Variants in RALY observed in about 807,000 individuals in gnomAD.
The protein encoded by RALY is RNA-binding protein Raly.
Under a neutral mutation model 30.7 loss-of-function variants are expected in RALY, and 15 were observed. That is an observed-to-expected ratio of 0.49 (90% CI 0.33 to 0.75). RALY has a LOEUF of 0.75. Among genes scored for constraint, RALY ranks in the 30% least tolerant of loss-of-function variants. RALY has a pLI of 0.02. For missense variants in RALY, 339 were observed against 414.3 expected, an observed-to-expected ratio of 0.82 and a Z score of 1.58; for synonymous variants, 177 against 170.8, an observed-to-expected ratio of 1.04 and a Z score of -0.28.
At chr20:34,017,414 C>T (rs554462265) in intron 1 of RALY, 1 of 152,284 alleles carries the variant, frequency 6.6e-6, no homozygotes, top group African/African-American at 2.4e-5. Context: ...TACCAGGGCC[C>T]TCTCTTACTT....
At chr20:33,995,149 A>G (rs2030551210) in intron 1 of RALY, among the ~76,000 whole-genome samples, 1 of 152,162 alleles carries the variant, frequency 6.6e-6, no homozygotes, top group South Asian at 2.1e-4. Flanking sequence ...TGTCCACTAT[A>G]CTGTGGATGA....
At position 34,072,097 on chromosome 20, in the gene RALY, G is replaced by A; in HGVS notation, c.23G>A (p.Ser8Asn). The change falls in exon 3 of 10, where the codon AGC becomes AAC. Residue 8 changes from serine to asparagine, a missense_variant. Physicochemically the swap from Ser to Asn is conservative, Grantham distance 46. Coordinates refer to ENST00000246194, the MANE Select transcript of RALY (RefSeq NM_016732.3). MSLKLQA[S>N]NVTNKNDPKS... Reference sequence around the variant, plus strand: ...ACCATGTCCTTGAAGCTTCAGGCAAGCAATGTAACCAACAAGAATGACCCC... The same window carrying A: ...ACCATGTCCTTGAAGCTTCAGGCAAACAATGTAACCAACAAGAATGACCCC... The A allele has an allele frequency of 6.2e-7, 1 of 1,614,208 alleles. No individual in the cohort carries two copies. Among genetic ancestry groups the A allele is most frequent in the Non-Finnish European group, 8.5e-7 (1 of 1,180,026 alleles).
intron 1 of RALY, 110 bp downstream of exon 1, chr20:33,994,241 A>G (rs1032808192): frequency 1.3e-5 from 2 of 152,088 alleles, no homozygotes; most frequent in African/African-American, 4.8e-5. Flanking sequence ...TTAGAAACTT[A>G]TTTCTGCCCT....
At chr20:34,006,569 A>G (rs377486617) in intron 1 of RALY, among the ~76,000 whole-genome samples, 4 of 152,320 alleles carry the variant, frequency 2.6e-5, no homozygotes, top group South Asian at 4.1e-4. Context: ...CATGCTGCAT[A>G]GAGATGTTTC....
intron 1 of RALY, chr20:34,016,498 C>T (rs372917838): frequency 2.6e-5 from 4 of 152,368 alleles, no homozygotes; most frequent in Admixed American, 6.5e-5. Context: ...TGTTCCAAAT[C>T]AGAATCTCTG....
At chr20:34,043,673 G>C (rs2032779154) in intron 2 of RALY, among the ~76,000 whole-genome samples, 1 of 152,158 alleles carries the variant, frequency 6.6e-6, no homozygotes, top group Non-Finnish European at 1.5e-5. Context: ...TCATACTAGT[G>C]GGTAGGAATA....
intron 1 of RALY, chr20:33,994,408 A>G (rs961561368): frequency 6.6e-6 from 1 of 152,170 alleles, no homozygotes; most frequent in Admixed American, 6.5e-5. Flanking sequence ...AGTCTGGGCC[A>G]GTAGTTGGCT....
chr20:34,045,637 T>G (rs961485965), intron 2 of RALY, among the ~76,000 whole-genome samples: 7 of 152,242 alleles, frequency 4.6e-5, no homozygotes, highest in Non-Finnish European at 1.0e-4. Context: ...CTCTGCCATC[T>G]TCTGTCTTTT....
At chr20:34,019,405 G>A (rs1601420954) in intron 1 of RALY, among the ~76,000 whole-genome samples, 1 of 152,228 alleles carries the variant, frequency 6.6e-6, no homozygotes, top group African/African-American at 2.4e-5. Context: ...GAGCAACCTA[G>A]TGAGATGCCT....
At chr20:34,076,176 T>TA (rs2033872041) in intron 6 of RALY, 136 bp downstream of exon 6, 1 of 1,107,948 alleles carries the variant, frequency 9.0e-7, no homozygotes, top group Non-Finnish European at 1.3e-6. Context: ...CAGCCAAGTA[T>TA]TTTCATGCAT....
At chr20:34,075,702 C>G (rs2033854882) in intron 5 of RALY, among the ~76,000 whole-genome samples, 172 bp from the exon 6 acceptor site, 1 of 152,164 alleles carries the variant, frequency 6.6e-6, no homozygotes, top group Non-Finnish European at 1.5e-5. Context: ...CAACAGCCAT[C>G]AGGGTCCGGC....
intron 1 of RALY, among the ~76,000 whole-genome samples, chr20:34,016,781 G>A (rs186192851): frequency 1.4e-4 from 21 of 152,342 alleles, no homozygotes; most frequent in Middle Eastern, 3.4e-3. Context: ...CATAGTGTCC[G>A]TTCTCTGGGT....
intron 2 of RALY, among the ~76,000 whole-genome samples, chr20:34,053,382 AATTTTTTTT>A (rs1212614919): frequency 2.2e-5 from 2 of 91,036 alleles, no homozygotes; most frequent in African/African-American, 4.3e-5. Flanking sequence ...GATGTTCAAT[AATTTTTTTT>A]TTTTTTTTTT....
At chr20:34,003,427 C>T (rs1293220694) in intron 1 of RALY, among the ~76,000 whole-genome samples, 9 of 152,052 alleles carry the variant, frequency 5.9e-5, no homozygotes, top group Admixed American at 4.6e-4. Flanking sequence ...GAGGGGAGAT[C>T]GATCTCTTTG....
intron 1 of RALY, among the ~76,000 whole-genome samples, chr20:34,015,832 C>G (rs1053501767): frequency 8.6e-5 from 13 of 152,006 alleles, no homozygotes; most frequent in Non-Finnish European, 4.4e-5. Context: ...AGGCTCAATG[C>G]TTTGCAACAT....
chr20:34,035,152 C>CAAAAAAAAAAAAAAAAA (rs61301033), intron 2 of RALY, among the ~76,000 whole-genome samples: 1 of 32,512 alleles, frequency 3.1e-5, no homozygotes, highest in East Asian at 2.0e-3. Context: ...GACTCCATCT[C>CAAAAAAAAAAAAAAAAA]AAAAAAAAAA....
rs775178178 is a variant in RALY at position 34,003,634 on chromosome 20, GTTTTTTT to G, written c.-93+9520_-93+9526del. 1.5e-3 allele frequency among the ~76,000 whole-genome samples: 174 copies of G among 112,958 alleles called. 1 individual carries two copies. The highest frequency in any genetic ancestry group is 9.3e-3 in the Admixed American group (100 of 10,770). 74.1% of individuals were successfully genotyped at this position (112,958 alleles called of 152,430 possible). ...TTACCTTTGGTAAATATGCCAAACA[GTTTTTTT>G]TTTTTTTTTTTTTTTTGAGACGGAG... On this transcript the variant is annotated intron_variant, in intron 1 of 9. Transcript: ENST00000246194.
rs1411499503 is a variant in RALY at position 34,081,277 on chromosome 20, C to T, written c.*1372C>T. ...GGTATGGAGCTGTGGGAGGGCAGCACCCAGAAATAGGCTTTGTTCCAGGCC... is the reference window on the plus strand; with the variant it reads ...GGTATGGAGCTGTGGGAGGGCAGCATCCAGAAATAGGCTTTGTTCCAGGCC... On this transcript the variant is annotated 3_prime_UTR_variant, in exon 10 of 10. Coordinates refer to ENST00000246194, the MANE Select transcript of RALY (RefSeq NM_016732.3). 6.6e-6 allele frequency: 1 copy of T among 152,220 alleles called. No homozygotes were observed. Among genetic ancestry groups the T allele is most frequent in the Non-Finnish European group, 1.5e-5 (1 of 68,118 alleles). 9.4% of individuals were successfully genotyped at this position (152,220 alleles called of 1,614,324 possible). A position where few individuals can be genotyped will look rare whatever the true frequency, so the allele number is the denominator to read the frequency against.
At chr20:34,030,221 G>A (rs1398972280) in intron 1 of RALY, among the ~76,000 whole-genome samples, 1 of 152,176 alleles carries the variant, frequency 6.6e-6, no homozygotes, top group African/African-American at 2.4e-5. Context: ...GGACTTCTGG[G>A]TTCAAATCCC....
Sources: gnomAD v4.1 joint callset for allele counts (sites outside exome capture counted in the v4.1 genomes callset) on GRCh38, gnomAD v4.1.1 for gene constraint, MANE v1.5 for transcripts, NCBI Gene and HGNC (gene_info 2026-07-23, HGNC 2026-07-21) for gene names.